UNKL: variants seen among roughly 807,000 people sequenced by gnomAD.
UNKL encodes the protein unk like zinc finger, also known as putative E3 ubiquitin-protein ligase UNKL.
Under a neutral mutation model 78.0 loss-of-function variants are expected in UNKL, and 60 were observed. The ratio of observed to expected loss-of-function variants is 0.77; its 90% CI spans 0.63 to 0.95. UNKL has a LOEUF of 0.95. UNKL is among the 40% of genes least tolerant of loss of function. UNKL has a pLI of 0.00. For synonymous variants in UNKL, 608 were observed against 474.8 expected, an observed-to-expected ratio of 1.28 and a Z score of -3.65; for missense variants, 1,159 against 1,045.7, an observed-to-expected ratio of 1.11 and a Z score of -1.49.
intron 12 of UNKL, chr16:1,368,077 C>CG: frequency 4.0e-6 from 2 of 501,858 alleles, no homozygotes; most frequent in South Asian, 6.5e-5. Context: ...CGGCCGGTCT[C>CG]CCCACCAGAT....
At chr16:1,376,682 T>A (rs958385195) in intron 10 of UNKL, among the ~76,000 whole-genome samples, 1 of 130,014 alleles carries the variant, frequency 7.7e-6, no homozygotes, top group African/African-American at 2.9e-5. Flanking sequence ...CCCTGCGATC[T>A]GTAGCAGGGG....
intron 6 of UNKL, among the ~76,000 whole-genome samples, chr16:1,396,694 C>A (rs926975633): frequency 6.6e-6 from 1 of 151,992 alleles, no homozygotes; most frequent in African/African-American, 2.4e-5. Context: ...CCTGGGTTCA[C>A]GCCATTCTCC....
rs1405334936 is a variant in UNKL, at chr16:1,365,444, A to T, written c.*796T>A. The T allele has an allele frequency of 6.6e-6, 1 of 152,420 alleles. No homozygotes were observed. Among genetic ancestry groups the T allele is most frequent in the Non-Finnish European group, 1.5e-5 (1 of 68,056 alleles). The allele number at this position is 152,420 out of a possible 1,614,324, so 9.4% of individuals were successfully genotyped here. A position where few individuals can be genotyped will look rare whatever the true frequency, so the allele number is the denominator to read the frequency against. ...GCTCTCCGAGGCGCAGGCGCACAGAAACAGCGGCCACGGACCACAGAAATG... is the reference window on the plus strand; with the variant it reads ...GCTCTCCGAGGCGCAGGCGCACAGATACAGCGGCCACGGACCACAGAAATG... On this transcript the variant is annotated 3_prime_UTR_variant, in exon 15 of 15. Transcript: ENST00000389221.
rs1318771533 is a variant in UNKL at position 1,403,563 on chromosome 16, CCAGT to C, written c.288-223_288-220del. ...CAGACCACCGCAAACCCCCAGTCAA[CCAGT>C]CAAACACAGTAAGAAACACAGACCA... On this transcript the variant is annotated intron_variant, in intron 2 of 14. Coordinates refer to ENST00000389221, the MANE Select transcript of UNKL (RefSeq NM_001372107.1). The surrounding 1 kb of genome is among the most constrained non-coding windows in gnomAD (Gnocchi z 4.8). 6.6e-6 allele frequency among the ~76,000 whole-genome samples: 1 copy of C among 152,156 alleles called. No individual in the cohort carries two copies. The highest frequency in any genetic ancestry group is 1.9e-4 in the East Asian group (1 of 5,194).
chr16:1,394,280 G>A (rs2037167627), intron 6 of UNKL, 65 bp from the exon 7 acceptor site: 1 of 1,511,464 alleles, frequency 6.6e-7, no homozygotes, highest in African/African-American at 1.4e-5. Context: ...GACCACAGCT[G>A]GCATCATCCC....
chr16:1,376,014 T>C (rs1282078563), intron 10 of UNKL, among the ~76,000 whole-genome samples: 1 of 152,188 alleles, frequency 6.6e-6, no homozygotes, highest in Non-Finnish European at 1.5e-5. Flanking sequence ...TGAGCGGCCT[T>C]GGACAGGTGG....
chr16:1,386,319 G>A (rs973661004), intron 9 of UNKL, among the ~76,000 whole-genome samples: 6 of 152,096 alleles, frequency 3.9e-5, no homozygotes, highest in East Asian at 1.9e-4. Flanking sequence ...TTGGGAGGCC[G>A]AGGTGGGCAG....
At chr16:1,371,420 T>G in intron 11 of UNKL, 99 bp downstream of exon 11, 2 of 1,210,744 alleles carry the variant, frequency 1.7e-6, no homozygotes, top group South Asian at 2.8e-5. Context: ...CTCAGCTCAC[T>G]GCAGCCTTGA....
chr16:1,372,121 A>G lies in UNKL; in HGVS notation c.1265-510T>C, dbSNP rs945769067. Among the ~76,000 whole-genome samples, 11 of 151,654 alleles carry G rather than the reference A, an allele frequency of 7.3e-5. No homozygotes were observed. In the East Asian group the frequency reaches 7.8e-4, roughly 11 times the overall value. Reference sequence around the variant, plus strand: ...AAAAAAAAAATACAAAAAATTAGCCAGGCGTGGTGGCGGGTGCCTGTAGTC... The same window carrying G: ...AAAAAAAAAATACAAAAAATTAGCCGGGCGTGGTGGCGGGTGCCTGTAGTC... On this transcript the variant is annotated intron_variant, in intron 10 of 14. Transcript: ENST00000389221.
Position 1,414,198 on chromosome 16 carries a change from G to A in UNKL, c.78-143C>T, listed in dbSNP as rs928639419. 2.9e-4 allele frequency: 238 copies of A among 819,756 alleles called. No individual in the cohort carries two copies. The African/African-American group carries it at 3.6e-3, about 13-fold the overall frequency. The allele number at this position is 819,756 out of a possible 1,614,324, so 50.8% of individuals were successfully genotyped here. A position where few individuals can be genotyped will look rare whatever the true frequency, so the allele number is the denominator to read the frequency against. ...ATTCCCGGCGGGCCCCAGGCGCTGCGCCCACCCCCATCCCGACTCCAGACG... is the reference window on the plus strand; with the variant it reads ...ATTCCCGGCGGGCCCCAGGCGCTGCACCCACCCCCATCCCGACTCCAGACG... On this transcript the variant is annotated intron_variant, in intron 1 of 14. Transcript: ENST00000389221.
chr16:1,367,577 CAT>C, intron 13 of UNKL, 77 bp downstream of exon 13: 33 of 937,800 alleles, frequency 3.5e-5, no homozygotes, highest in South Asian at 2.4e-4. Context: ...CCTCCCCTCC[CAT>C]CTCACCCCCA....
intron 10 of UNKL, among the ~76,000 whole-genome samples, chr16:1,375,543 G>A (rs1024918178): frequency 8.5e-5 from 13 of 152,320 alleles, no homozygotes; most frequent in African/African-American, 3.1e-4. Context: ...CTGAACCCCT[G>A]GGGCGTCCGG....
At chr16:1,379,712 T>TGGCCCCGCCCCGCAACGTGACTC (rs1347286722) in intron 10 of UNKL, 6 of 969,516 alleles carry the variant, frequency 6.2e-6, no homozygotes, top group Non-Finnish European at 7.3e-6. Flanking sequence ...CCCTCCGCGC[T>TGGCCCCGCCCCGCAACGTGACTC]GGCCCCGCCC....
intron 2 of UNKL, among the ~76,000 whole-genome samples, chr16:1,410,654 G>A (rs1024066936): frequency 6.6e-6 from 1 of 152,168 alleles, no homozygotes; most frequent in African/African-American, 2.4e-5. Context: ...CTGGGTGCTC[G>A]TCTTCACACT....
At chr16:1,394,531 C>T in intron 6 of UNKL, 1 of 546,560 alleles carries the variant, frequency 1.8e-6, no homozygotes. Context: ...TGGTATGCAG[C>T]AGGTGCCTAA....
At chr16:1,410,561 C>T (rs544628740) in intron 2 of UNKL, among the ~76,000 whole-genome samples, 1 of 149,862 alleles carries the variant, frequency 6.7e-6, no homozygotes. Context: ...GAGCCGAGAT[C>T]ACGCCACTGC....
chr16:1,393,134 C>T (rs1046956400), intron 7 of UNKL, among the ~76,000 whole-genome samples, 158 bp from the exon 8 acceptor site: 1 of 152,234 alleles, frequency 6.6e-6, no homozygotes, highest in African/African-American at 2.4e-5. Context: ...GGTGGGGACA[C>T]TCAGGGCAAC....
chr16:1,395,111 C>T (rs1023363700), intron 6 of UNKL, among the ~76,000 whole-genome samples: 3 of 151,322 alleles, frequency 2.0e-5, no homozygotes, highest in East Asian at 1.9e-4. Context: ...CTCCTGACCT[C>T]GGCCCCACAA....
intron 1 of UNKL, 64 bp downstream of exon 1, chr16:1,414,551 C>A: frequency 1.4e-6 from 1 of 737,322 alleles, no homozygotes; most frequent in Non-Finnish European, 1.7e-6. Context: ...GGCGCGAGCC[C>A]CGGCGGGAGG....
Sources: gnomAD v4.1 joint callset for allele counts (sites outside exome capture counted in the v4.1 genomes callset) on GRCh38, gnomAD v4.1.1 for gene constraint, Gnocchi (gnomAD v3.1) non-coding constraint, MANE v1.5 for transcripts, NCBI Gene and HGNC (gene_info 2026-07-23, HGNC 2026-07-21) for gene names.